Variants in KBTBD12 observed in about 807,000 individuals in gnomAD.
The protein encoded by KBTBD12 is kelch repeat and BTB domain containing 12.
A neutral mutation model predicts 58.7 loss-of-function variants in KBTBD12; 53 were observed. The ratio of observed to expected loss-of-function variants is 0.90; its 90% CI spans 0.72 to 1.14. The LOEUF (loss-of-function observed/expected upper bound fraction) is 1.14. Among genes scored for constraint, KBTBD12 ranks in the 50% most tolerant of loss-of-function variants. The pLI is 0.00. For synonymous variants in KBTBD12, 236 were observed against 259.8 expected (o/e 0.91, Z 0.88); for missense variants, 704 against 751.3 (o/e 0.94, Z 0.74).
In KBTBD12 at chr3:127,930,134, T is replaced by A. The variant is rs1480972862; in HGVS notation, c.1343T>A (p.Met448Lys). 2 of 1,579,174 alleles carry A rather than the reference T, an allele frequency of 1.3e-6. No homozygotes were observed. Among genetic ancestry groups the A allele is most frequent in the South Asian group, 1.2e-5 (1 of 86,610 alleles). ...LYVIGGWTPQ[M>K]DLPDEEPDRL... ...TATTGGCTGTCATATTTCATACAGA[T>A]GGATCTTCCTGATGAAGAACCTGAT... Residue 448 changes from methionine to lysine, a missense_variant and splice_region_variant, in exon 4 of 6, where the codon ATG (methionine) becomes AAG (lysine). Transcript: ENST00000405109.
At chr3:127,940,040 T>C (rs750498976) in intron 4 of KBTBD12, among the ~76,000 whole-genome samples, 4 of 152,050 alleles carry the variant, frequency 2.6e-5, no homozygotes, top group African/African-American at 4.8e-5. Context: ...GATAAAATAA[T>C]TGATTCACTA....
rs374981049 is a variant in KBTBD12, at chr3:127,933,067, C to T, written c.1492+2784C>T. Among the ~76,000 whole-genome samples, 12 of 152,000 alleles carry T rather than the reference C, an allele frequency of 7.9e-5. 2 individuals carry two copies. The highest frequency in any genetic ancestry group is 7.2e-4 in the Admixed American group (11 of 15,252). ...AAAGCAGATTTCCAACTATGAAGAA[C>T]GGAAAAAGTCAACATTCTATACTTA... is the stretch of plus-strand genomic sequence containing the variant. On this transcript the variant is annotated intron_variant, in intron 4 of 5. Transcript: ENST00000405109.
chr3:127,933,627 A>G, intron 4 of KBTBD12, among the ~76,000 whole-genome samples: 1 of 152,154 alleles, frequency 6.6e-6, no homozygotes, highest in African/African-American at 2.4e-5. Flanking sequence ...ACATGTAGAG[A>G]GCAGATCCAA....
chr3:127,954,707 A>T (rs1404420626), intron 4 of KBTBD12, among the ~76,000 whole-genome samples: 1 of 152,202 alleles, frequency 6.6e-6, no homozygotes, highest in Non-Finnish European at 1.5e-5. Context: ...TAGACCTTTC[A>T]CACGTGGCCC....
intron 4 of KBTBD12, among the ~76,000 whole-genome samples, chr3:127,933,458 A>C (rs576718571): frequency 5.9e-5 from 9 of 152,318 alleles, no homozygotes; most frequent in African/African-American, 2.2e-4. Context: ...AGCCCACAAA[A>C]GAACTGGCCA....
rs1940928991 is a variant in KBTBD12, at chr3:127,984,316, C to T, written c.*38C>T. 1 of 1,582,050 alleles carries T rather than the reference C, an allele frequency of 6.3e-7. No homozygotes were observed. The highest frequency in any genetic ancestry group is 8.6e-7 in the Non-Finnish European group (1 of 1,156,970). Reference sequence around the variant, plus strand: ...GGAGGACCTCCTGCTGTTCTGCAAACAAGGCCTTCAGAACGGAGAGGGCCC... The same window carrying T: ...GGAGGACCTCCTGCTGTTCTGCAAATAAGGCCTTCAGAACGGAGAGGGCCC... On this transcript the variant is annotated 3_prime_UTR_variant, in exon 6 of 6. Transcript: ENST00000405109.
chr3:127,965,398 G>A (rs1346087257), intron 5 of KBTBD12, among the ~76,000 whole-genome samples: 1 of 152,142 alleles, frequency 6.6e-6, no homozygotes, highest in Non-Finnish European at 1.5e-5. Context: ...TAGATTGTTT[G>A]GGATTCGCTG....
rs766841052 is a variant in KBTBD12 at position 127,963,209 on chromosome 3, C to A, written c.1513C>A (p.Gln505Lys). 1 of 1,609,390 alleles carries A rather than the reference C, an allele frequency of 6.2e-7. No individual in the cohort carries two copies. Among genetic ancestry groups the A allele is most frequent in the South Asian group, 1.1e-5 (1 of 89,854 alleles). The change falls in exon 5 of 6, where the codon CAA (glutamine) becomes AAA (lysine). Residue 505 changes from glutamine to lysine, a missense_variant. Gln to Lys is a moderately conservative substitution (Grantham distance 53, BLOSUM62 1). Transcript: ENST00000405109. ...TGCAGGTGGCATTGGCTGTGTAGGT[C>A]AAGACAAGGGCCAGGTTCGAAAATG... ...YVLGGIGCVG[Q>K]DKGQVRKCLD...
At chr3:127,918,744 G>A (rs896188902) in intron 1 of KBTBD12, among the ~76,000 whole-genome samples, 1 of 151,798 alleles carries the variant, frequency 6.6e-6, no homozygotes, top group African/African-American at 2.4e-5. Flanking sequence ...AAAGAGAACA[G>A]CGTGTTAAAG....
chr3:127,955,747 T>G (rs1001761472), intron 4 of KBTBD12, among the ~76,000 whole-genome samples: 2 of 152,190 alleles, frequency 1.3e-5, no homozygotes, highest in Non-Finnish European at 2.9e-5. Flanking sequence ...ATGGACATAT[T>G]ATATGCTCAA....
At chr3:127,965,482 T>C (rs1420898764) in intron 5 of KBTBD12, among the ~76,000 whole-genome samples, 1 of 152,268 alleles carries the variant, frequency 6.6e-6, no homozygotes, top group Non-Finnish European at 1.5e-5. Flanking sequence ...TCTAGAGATC[T>C]CATCAGACCT....
intron 2 of KBTBD12, among the ~76,000 whole-genome samples, chr3:127,925,696 G>T (rs1005393479): frequency 1.5e-4 from 23 of 152,124 alleles, no homozygotes; most frequent in Middle Eastern, 3.2e-3. Context: ...ACATTGGTCA[G>T]AGTTAGAGTA....
At chr3:127,918,934 C>T (rs959440855) in intron 1 of KBTBD12, among the ~76,000 whole-genome samples, 2 of 152,108 alleles carry the variant, frequency 1.3e-5, no homozygotes, top group African/African-American at 4.8e-5. Flanking sequence ...ACTTTATACA[C>T]GGTAGTGACC....
intron 1 of KBTBD12, among the ~76,000 whole-genome samples, chr3:127,920,866 CA>C (rs1939388876): frequency 6.6e-6 from 1 of 151,478 alleles, no homozygotes; most frequent in Admixed American, 6.6e-5. Context: ...ATGAATGCAC[CA>C]GTTCAGTCTT....
chr3:127,942,517 T>C (rs1576379785), intron 4 of KBTBD12, among the ~76,000 whole-genome samples: 1 of 151,936 alleles, frequency 6.6e-6, no homozygotes, highest in South Asian at 2.1e-4. Flanking sequence ...AAAGGCTGAA[T>C]AATATTCCAT....
At position 127,985,117 on chromosome 3, in the gene KBTBD12, G is replaced by T. The variant is rs13064196; in HGVS notation, c.*839G>T. On this transcript the variant is annotated 3_prime_UTR_variant, in exon 6 of 6. Transcript: ENST00000405109. ...GGCAGGGAGTGTCCTGGAGTGGGCT[G>T]ACCCAGGCTGCCTTTGCCCACCTCT... The T allele has an allele frequency of 0.47, 70,742 of 151,944 alleles. 16,986 individuals carry two copies. Among genetic ancestry groups the T allele is most frequent in the East Asian group, 0.59 (3,030 of 5,124 alleles). 9.4% of individuals were successfully genotyped at this position (151,944 alleles called of 1,614,324 possible).
intron 4 of KBTBD12, among the ~76,000 whole-genome samples, chr3:127,937,153 G>T (rs1457618878): frequency 1.4e-5 from 2 of 144,240 alleles, no homozygotes; most frequent in East Asian, 4.1e-4. Context: ...AGCAAGAACT[G>T]GTGGAAATAA....
chr3:127,972,537 A>G (rs1276664934), intron 5 of KBTBD12, among the ~76,000 whole-genome samples: 2 of 152,194 alleles, frequency 1.3e-5, no homozygotes, highest in African/African-American at 2.4e-5. Flanking sequence ...TTCCAGCCCT[A>G]ACAGAGCTCA....
chr3:127,932,246 G>T (rs960792796), intron 4 of KBTBD12, among the ~76,000 whole-genome samples: 2 of 152,098 alleles, frequency 1.3e-5, no homozygotes, highest in African/African-American at 4.8e-5. Context: ...CTCAGCATTT[G>T]CTACTTAATT....
Sources: gnomAD v4.1 joint callset for allele counts (sites outside exome capture counted in the v4.1 genomes callset) on GRCh38, gnomAD v4.1.1 for gene constraint, MANE v1.5 for transcripts, NCBI Gene and HGNC (gene_info 2026-07-23, HGNC 2026-07-21) for gene names.